Variants in PPM1E observed in about 807,000 individuals in gnomAD.
PPM1E encodes the protein protein phosphatase, Mg2+/Mn2+ dependent 1E, also known as protein phosphatase 1E.
A neutral mutation model predicts 65.9 loss-of-function variants in PPM1E; 20 were observed. That is an observed-to-expected ratio of 0.30 (90% CI 0.21 to 0.44). The LOEUF is 0.44. Ranked by LOEUF, PPM1E falls within the 20% of genes least tolerant of loss-of-function variation. PPM1E has a pLI of 1.00. For missense variants in PPM1E, 713 were observed against 953.1 expected, an observed-to-expected ratio of 0.75 and a Z score of 3.32; for synonymous variants, 352 against 374.9, an observed-to-expected ratio of 0.94 and a Z score of 0.70.
At chr17:58,967,515 T>G (rs868023070) in intron 3 of PPM1E, among the ~76,000 whole-genome samples, 31 of 149,108 alleles carry the variant, frequency 2.1e-4, no homozygotes, top group African/African-American at 6.8e-4. Flanking sequence ...TATATATATA[T>G]ATATAGAGAG....
intron 1 of PPM1E, among the ~76,000 whole-genome samples, chr17:58,878,847 C>T (rs141904799): frequency 6.6e-6 from 1 of 150,794 alleles, no homozygotes; most frequent in Non-Finnish European, 1.5e-5. Flanking sequence ...GCAGGAGAAT[C>T]GCTTGAACCT....
chr17:58,806,543 C>A (rs1404147846), intron 1 of PPM1E, among the ~76,000 whole-genome samples: 1 of 151,956 alleles, frequency 6.6e-6, no homozygotes, highest in Non-Finnish European at 1.5e-5. Flanking sequence ...TTCCTTTTCT[C>A]CTGTCTCCAA....
chr17:58,869,149 G>A (rs1018304883), intron 1 of PPM1E, among the ~76,000 whole-genome samples: 3 of 152,198 alleles, frequency 2.0e-5, no homozygotes, highest in Admixed American at 6.5e-5. Flanking sequence ...CAGCCTGGGT[G>A]ACAGAGTGGG....
chr17:58,943,531 T>C (rs1184995725), intron 1 of PPM1E, among the ~76,000 whole-genome samples: 4 of 152,214 alleles, frequency 2.6e-5, no homozygotes, highest in Admixed American at 6.5e-5. Context: ...CTCTCTGATA[T>C]GACGATTTCA....
chr17:58,930,248 TATACACACACAC>T (rs959991921), intron 1 of PPM1E, among the ~76,000 whole-genome samples: 10 of 142,190 alleles, frequency 7.0e-5, no homozygotes, highest in South Asian at 5.2e-4. Context: ...ATTAAATGTA[TATACACACACAC>T]ACACACACAC....
chr17:58,793,805 T>G (rs1045232596), intron 1 of PPM1E, among the ~76,000 whole-genome samples: 2 of 152,186 alleles, frequency 1.3e-5, no homozygotes, highest in African/African-American at 4.8e-5. Flanking sequence ...TCCACATCGA[T>G]AAGTAGAATT....
chr17:58,955,290 G>A (rs959653411), intron 1 of PPM1E, among the ~76,000 whole-genome samples: 3 of 152,150 alleles, frequency 2.0e-5, no homozygotes, highest in South Asian at 2.1e-4. Flanking sequence ...GCTTGAACCC[G>A]GGAGGCAGAG....
At chr17:58,852,646 C>CA (rs2050839391) in intron 1 of PPM1E, among the ~76,000 whole-genome samples, 2 of 150,350 alleles carry the variant, frequency 1.3e-5, no homozygotes, top group South Asian at 4.2e-4. Context: ...ACTCTGTCAC[C>CA]AGGCTGGAGT....
chr17:58,836,089 G>A (rs2050652982), intron 1 of PPM1E: 1 of 152,024 alleles, frequency 6.6e-6, no homozygotes, highest in African/African-American at 2.4e-5. Context: ...TCAAACCCAG[G>A]TGTGGCTTTA....
intron 1 of PPM1E, among the ~76,000 whole-genome samples, chr17:58,889,029 T>C (rs1052684753): frequency 1.3e-5 from 2 of 152,230 alleles, no homozygotes; most frequent in Admixed American, 1.3e-4. Context: ...TGTGAAAATT[T>C]GAATTACATT....
intron 1 of PPM1E, among the ~76,000 whole-genome samples, chr17:58,797,715 T>C (rs1397529115): frequency 6.6e-6 from 1 of 152,212 alleles, no homozygotes; most frequent in East Asian, 1.9e-4. Context: ...GGCTTGTATT[T>C]CTCTAAGGTC....
At chr17:58,778,489 A>T (rs960870369) in intron 1 of PPM1E, among the ~76,000 whole-genome samples, 2 of 145,700 alleles carry the variant, frequency 1.4e-5, no homozygotes, top group Non-Finnish European at 3.0e-5. Context: ...GGCTCACTGC[A>T]ACTTCTGCCT....
intron 1 of PPM1E, among the ~76,000 whole-genome samples, chr17:58,802,903 CATTT>C (rs1007135989): frequency 2.0e-5 from 3 of 152,020 alleles, no homozygotes; most frequent in African/African-American, 7.2e-5. Flanking sequence ...TTTGCAGAAT[CATTT>C]ATTAGTTCTA....
intron 4 of PPM1E, 49 bp downstream of exon 4, chr17:58,969,776 C>T (rs764690381): frequency 5.7e-6 from 9 of 1,570,676 alleles, no homozygotes; most frequent in East Asian, 2.2e-5. Flanking sequence ...TAGCTGAGCT[C>T]AATTTGGTCT....
intron 1 of PPM1E, among the ~76,000 whole-genome samples, chr17:58,929,229 A>T (rs141244037): frequency 6.6e-6 from 1 of 152,314 alleles, no homozygotes; most frequent in Admixed American, 6.5e-5. Flanking sequence ...ATATGAATCC[A>T]TTCATACGAA....
At chr17:58,954,364 T>C (rs929039159) in intron 1 of PPM1E, among the ~76,000 whole-genome samples, 23 of 152,234 alleles carry the variant, frequency 1.5e-4, no homozygotes, top group African/African-American at 5.3e-4. Context: ...AGCAATAATT[T>C]AATTCATATG....
chr17:58,880,461 A>G (rs1165095982), intron 1 of PPM1E, among the ~76,000 whole-genome samples: 1 of 152,232 alleles, frequency 6.6e-6, no homozygotes, highest in Non-Finnish European at 1.5e-5. Flanking sequence ...TTACCAGAAT[A>G]GGGCAGTGAG....
chr17:58,887,603 G>A (rs956907224), intron 1 of PPM1E, among the ~76,000 whole-genome samples: 6 of 152,222 alleles, frequency 3.9e-5, no homozygotes, highest in African/African-American at 1.4e-4. Context: ...CAGCAGGTTT[G>A]AGGAATGACA....
At chr17:58,907,244 TA>T (rs36059703) in intron 1 of PPM1E, among the ~76,000 whole-genome samples, 27,818 of 145,192 alleles carry the variant, frequency 0.19, 2,638 homozygotes, top group Non-Finnish European at 0.22. Flanking sequence ...AGACTCCATC[TA>T]AAAAAAAAAA....
Sources: gnomAD v4.1 joint callset for allele counts (sites outside exome capture counted in the v4.1 genomes callset) on GRCh38, gnomAD v4.1.1 for gene constraint, MANE v1.5 for transcripts, NCBI Gene and HGNC (gene_info 2026-07-23, HGNC 2026-07-21) for gene names.